The following CWC27 variants were observed in gnomAD, a reference collection of about 807,000 sequenced individuals.
CWC27 encodes the protein CWC27 spliceosome associated cyclophilin.
In CWC27, 47 loss-of-function variants were observed where a neutral mutation model predicts 63.6. The observed-to-expected ratio is 0.74, with a 90% CI of 0.58 to 0.94. CWC27 has a LOEUF of 0.94. CWC27 is among the 40% of genes least tolerant of loss of function. The pLI is 0.00. For missense variants in CWC27, 495 were observed against 554.3 expected, an observed-to-expected ratio of 0.89 and a Z score of 1.07; for synonymous variants, 175 against 179.8, an observed-to-expected ratio of 0.97 and a Z score of 0.22.
At chr5:64,795,003 G>T (rs1325827652) in intron 7 of CWC27, among the ~76,000 whole-genome samples, 3 of 152,120 alleles carry the variant, frequency 2.0e-5, no homozygotes, top group Non-Finnish European at 1.5e-5. Flanking sequence ...TTTCCTACAA[G>T]ACGTAGTAAC....
chr5:64,884,039 TC>T (rs1747007613), intron 10 of CWC27: 1 of 152,084 alleles, frequency 6.6e-6, no homozygotes, highest in African/African-American at 2.4e-5. Context: ...GAGGTTTGTC[TC>T]CCCCAACATG....
At chr5:64,873,309 G>A (rs916572315) in intron 10 of CWC27, among the ~76,000 whole-genome samples, 1 of 152,010 alleles carries the variant, frequency 6.6e-6, no homozygotes, top group Non-Finnish European at 1.5e-5. Context: ...TTGAACAATA[G>A]TATTTCAATT....
chr5:64,966,923 CT>C (rs1013712381), intron 11 of CWC27, among the ~76,000 whole-genome samples: 1 of 151,976 alleles, frequency 6.6e-6, no homozygotes, highest in East Asian at 1.9e-4. Flanking sequence ...TCCAACTAAC[CT>C]TTCTGGATTG....
chr5:64,773,428 G>C (rs1365067783), intron 1 of CWC27, among the ~76,000 whole-genome samples: 2 of 152,312 alleles, frequency 1.3e-5, no homozygotes, highest in Middle Eastern at 3.4e-3. Flanking sequence ...ACAGAAAGTA[G>C]ATTAGTGGCT....
At chr5:64,900,773 A>G (rs1747484757) in intron 11 of CWC27, among the ~76,000 whole-genome samples, 1 of 152,162 alleles carries the variant, frequency 6.6e-6, no homozygotes, top group African/African-American at 2.4e-5. Context: ...AGTCTGCGAA[A>G]TGTGTTGCTA....
chr5:64,956,331 C>G (rs1454957441), intron 11 of CWC27, among the ~76,000 whole-genome samples: 1 of 152,102 alleles, frequency 6.6e-6, no homozygotes, highest in Non-Finnish European at 1.5e-5. Flanking sequence ...CAGAGACTTT[C>G]ATGATCAGAG....
chr5:64,983,543 A>G (rs1006685213), intron 13 of CWC27, among the ~76,000 whole-genome samples: 9 of 152,334 alleles, frequency 5.9e-5, no homozygotes, highest in South Asian at 2.1e-4. Context: ...GTCCTTTTTT[A>G]ATCACAGATT....
chr5:64,873,895 A>T (rs1204808330), intron 10 of CWC27, among the ~76,000 whole-genome samples: 1 of 151,984 alleles, frequency 6.6e-6, no homozygotes, highest in South Asian at 2.1e-4. Flanking sequence ...ATTCTTCTGC[A>T]TGTTTTCTCA....
chr5:64,908,486 G>T (rs1442837231), intron 11 of CWC27, among the ~76,000 whole-genome samples: 1 of 152,038 alleles, frequency 6.6e-6, no homozygotes, highest in East Asian at 1.9e-4. Context: ...ACAGTGGGTT[G>T]TTAGTCTCCC....
At chr5:64,956,112 A>G (rs1748798543) in intron 11 of CWC27, among the ~76,000 whole-genome samples, 1 of 152,204 alleles carries the variant, frequency 6.6e-6, no homozygotes, top group Non-Finnish European at 1.5e-5. Flanking sequence ...TCCAAACAAC[A>G]TAACAATCTA....
intron 11 of CWC27, among the ~76,000 whole-genome samples, chr5:64,912,356 A>G (rs1380494011): frequency 6.6e-6 from 1 of 152,224 alleles, no homozygotes; most frequent in Non-Finnish European, 1.5e-5. Context: ...GAAACAACAA[A>G]TAGAAAGAGT....
intron 7 of CWC27, among the ~76,000 whole-genome samples, chr5:64,791,274 T>C (rs1744071253): frequency 6.6e-6 from 1 of 152,210 alleles, no homozygotes; most frequent in Admixed American, 6.6e-5. Context: ...TTGAATTTTT[T>C]CTATTTGTAA....
chr5:64,833,214 T>A (rs1425603527), intron 10 of CWC27, among the ~76,000 whole-genome samples: 5 of 151,826 alleles, frequency 3.3e-5, no homozygotes, highest in Non-Finnish European at 5.9e-5. Context: ...TCTGGATATT[T>A]GAAAACTCCA....
rs1023377866 is a variant in CWC27, at chr5:64,873,169, G to A, written c.939-12274G>A. On this transcript the variant is annotated intron_variant, in intron 10 of 13. Coordinates refer to ENST00000381070, the MANE Select transcript of CWC27 (RefSeq NM_005869.4). ...TACAAAAGGAATGCATAAGCTTTTC[G>A]TTTTGTTTTGTTTCGTTCACTTAGA... Among the ~76,000 whole-genome samples the A allele has an allele frequency of 1.2e-4, 18 of 152,128 alleles. No individual in the cohort carries two copies. In the Middle Eastern group the frequency reaches 0.01, roughly 86 times the overall value.
intron 10 of CWC27, chr5:64,844,782 G>A: frequency 7.2e-6 from 3 of 414,580 alleles, no homozygotes; most frequent in South Asian, 5.3e-5. Context: ...GAAGCATAGA[G>A]CCTAGACCTG....
At chr5:64,993,375 G>A (rs540362040) in intron 13 of CWC27, among the ~76,000 whole-genome samples, 2 of 152,190 alleles carry the variant, frequency 1.3e-5, no homozygotes, top group East Asian at 1.9e-4. Context: ...ATTTACTTCA[G>A]TTATGTTATC....
intron 10 of CWC27, among the ~76,000 whole-genome samples, chr5:64,857,748 T>C (rs1746289303): frequency 6.6e-6 from 1 of 152,216 alleles, no homozygotes; most frequent in Non-Finnish European, 1.5e-5. Flanking sequence ...AGAATTGTGA[T>C]TGTGTTTTAT....
At chr5:64,804,420 T>C (rs1432141808) in intron 10 of CWC27, 34 bp downstream of exon 10, 1 of 1,534,310 alleles carries the variant, frequency 6.5e-7, no homozygotes, top group Non-Finnish European at 8.8e-7. Context: ...ATCAGAGTTT[T>C]TGTCTTTTTA....
intron 13 of CWC27, among the ~76,000 whole-genome samples, chr5:65,004,816 C>T (rs1421671397): frequency 7.8e-6 from 1 of 127,840 alleles, no homozygotes. Context: ...CTACCAATTG[C>T]TTCTTTCATT....
Sources: allele counts gnomAD v4.1 joint callset (sites outside exome capture counted in the v4.1 genomes callset), GRCh38; gene constraint gnomAD v4.1.1; transcripts MANE v1.5; gene names NCBI Gene and HGNC (gene_info 2026-07-23, HGNC 2026-07-21).